The following PDCD2 variants were observed in gnomAD, a reference collection of about 807,000 sequenced individuals.
PDCD2 encodes the protein uS5 assembly chaperone PDCD2.
A neutral mutation model predicts 38.1 loss-of-function variants in PDCD2; 38 were observed. The ratio of observed to expected loss-of-function variants is 1.00; its 90% CI spans 0.77 to 1.31. The LOEUF (loss-of-function observed/expected upper bound fraction) is 1.31. Among genes scored for constraint, PDCD2 ranks in the 50% most tolerant of loss-of-function variants. The pLI is 0.00. For missense variants in PDCD2, 473 were observed against 435.7 expected, an observed-to-expected ratio of 1.09 and a Z score of -0.76; for synonymous variants, 205 against 168.9, an observed-to-expected ratio of 1.21 and a Z score of -1.66.
At chr6:170,580,925 C>T (rs1234303711) in intron 3 of PDCD2, among the ~76,000 whole-genome samples, 4 of 152,090 alleles carry the variant, frequency 2.6e-5, no homozygotes, top group South Asian at 2.1e-4. Context: ...TCACTTGCAC[C>T]ATCAGGTCTG....
Position 170,583,544 on chromosome 6 carries a change from C to A in PDCD2, c.487G>T (p.Asp163Tyr). Reference protein sequence around the residue: ...YYCSKEHQTLDWRLGHKQACA... With the variant: ...YYCSKEHQTLYWRLGHKQACA... ...GCCTGCTTATGTCCCAATCTCCAGT[C>A]TAGGGTCTGATGCTCCTTGCTGCAG... Residue 163 changes from aspartate to tyrosine, a missense_variant, in exon 2 of 6, where the codon GAC becomes TAC. Transcript: ENST00000541970. 1 of 1,613,716 alleles carries A rather than the reference C, an allele frequency of 6.2e-7. No individual in the cohort carries two copies. Among genetic ancestry groups the A allele is most frequent in the Non-Finnish European group, 8.5e-7 (1 of 1,179,710 alleles).
intron 3 of PDCD2, among the ~76,000 whole-genome samples, chr6:170,580,586 G>C (rs533196517): frequency 2.6e-5 from 4 of 152,158 alleles, no homozygotes; most frequent in Non-Finnish European, 4.4e-5. Context: ...GTGGTGGTAG[G>C]TGCCTGTAAT....
Position 170,577,265 on chromosome 6 carries a change from TA to T in PDCD2, c.*293del, listed in dbSNP as rs1779470846. ...GCAGATTTCTGTGCATACATACAAA[TA>T]TTTTTACAAGAATAGGATCATACCA... On this transcript the variant is annotated 3_prime_UTR_variant, in exon 6 of 6. Transcript: ENST00000541970. The T allele has an allele frequency of 4.2e-6, 1 of 239,090 alleles. No individual in the cohort carries two copies. 14.8% of individuals were successfully genotyped at this position (239,090 alleles called of 1,614,324 possible). A position where few individuals can be genotyped will look rare whatever the true frequency, so the allele number is the denominator to read the frequency against.
Position 170,582,130 on chromosome 6 carries a change from T to C in PDCD2, c.658+927A>G, listed in dbSNP as rs373484547. The C allele has an allele frequency of 4.8e-5, 73 of 1,533,546 alleles. No individual in the cohort carries two copies. In the African/African-American group the frequency reaches 8.8e-4, roughly 18 times the overall value. The allele number at this position is 1,533,546 out of a possible 1,614,324, so 95.0% of individuals were successfully genotyped here. On this transcript the variant is annotated intron_variant, in intron 3 of 5. Coordinates refer to ENST00000541970, the MANE Select transcript of PDCD2 (RefSeq NM_002598.4). ...GCCCCTTCCAGGCAGTCTTCAGTGA[T>C]GTCACGTGTTCCCATGGCACCTGTA...
intron 3 of PDCD2, chr6:170,582,479 C>G (rs1041211729): frequency 7.2e-7 from 1 of 1,391,326 alleles, no homozygotes; most frequent in African/African-American, 1.5e-5. Flanking sequence ...AATTTCCTCA[C>G]CTTCAAAATG....
chr6:170,583,906 C>T (rs1484997403), intron 1 of PDCD2, 159 bp from the exon 2 acceptor site: 1 of 648,032 alleles, frequency 1.5e-6, no homozygotes, highest in East Asian at 2.8e-5. Context: ...AGATTTCGTC[C>T]GGTACACGCA....
rs1030847165 is a variant in PDCD2 at position 170,576,610 on chromosome 6, G to T, written c.*949C>A. Reference sequence around the variant, plus strand: ...TTAGGAGCCGCTTGCTTAAACAGATGTATCAGAAACATAATAGGCCAAGGG... The same window carrying T: ...TTAGGAGCCGCTTGCTTAAACAGATTTATCAGAAACATAATAGGCCAAGGG... On this transcript the variant is annotated 3_prime_UTR_variant, in exon 6 of 6. Transcript: ENST00000541970. 2.6e-5 allele frequency: 4 copies of T among 152,178 alleles called. No individual in the cohort carries two copies. The highest frequency in any genetic ancestry group is 9.7e-5 in the African/African-American group (4 of 41,416). 9.4% of individuals were successfully genotyped at this position (152,178 alleles called of 1,614,324 possible).
rs916232780 is a variant in PDCD2 at position 170,584,452 on chromosome 6, G to C, written c.130C>G (p.Pro44Ala). 3 of 1,313,798 alleles carry C rather than the reference G, an allele frequency of 2.3e-6. No individual in the cohort carries two copies. The highest frequency in any genetic ancestry group is 2.9e-6 in the Non-Finnish European group (3 of 1,038,222). 81.4% of individuals were successfully genotyped at this position (1,313,798 alleles called of 1,614,324 possible). Reference sequence around the variant, plus strand: ...TCGCAGGCCAGGGCCTGGGGCCCCGGCAGCCCGGCCGCGCCCAGCCATGCC... The same window carrying C: ...TCGCAGGCCAGGGCCTGGGGCCCCGCCAGCCCGGCCGCGCCCAGCCATGCC... The part of the protein sequence containing the change: ...RPAWLGAAGL[P>A]GPQALACELC... The change falls in exon 1 of 6, where the codon CCG (proline) becomes GCG (alanine). Residue 44 changes from proline (P) to alanine (A), a missense_variant. Pro to Ala is a conservative substitution (Grantham distance 27). Transcript: ENST00000541970.
intron 4 of PDCD2, 83 bp from the exon 5 acceptor site, chr6:170,579,053 T>C (rs553143868): frequency 1.9e-4 from 155 of 820,126 alleles, no homozygotes; most frequent in Non-Finnish European, 2.7e-4. Context: ...ACTCCATGAA[T>C]GTTCCTACTC....
At chr6:170,583,429 T>C (rs1779679071) in intron 2 of PDCD2, 76 bp downstream of exon 2, 1 of 1,505,490 alleles carries the variant, frequency 6.6e-7, no homozygotes, top group Non-Finnish European at 9.0e-7. Context: ...AATTTTACCT[T>C]TAAAGTTGTC....
intron 1 of PDCD2, 52 bp from the exon 2 acceptor site, chr6:170,583,799 C>G (rs1487728032): frequency 7.2e-7 from 1 of 1,383,784 alleles, no homozygotes; most frequent in Admixed American, 1.9e-5. Flanking sequence ...CAGCAATTCA[C>G]ATATTTTATC....
intron 1 of PDCD2, 54 bp downstream of exon 1, chr6:170,584,245 C>T: frequency 1.5e-6 from 2 of 1,335,558 alleles, no homozygotes; most frequent in Admixed American, 3.1e-5. Context: ...CCGGAATTAA[C>T]GCCGCGCACG....
intron 3 of PDCD2, chr6:170,581,205 T>A (rs1298660240): frequency 1.3e-5 from 2 of 152,196 alleles, no homozygotes; most frequent in Non-Finnish European, 2.9e-5. Context: ...AGTCCAGTGT[T>A]TCCTTTCTCT....
Position 170,578,921 on chromosome 6 carries a change from T to C in PDCD2, c.812A>G (p.Asn271Ser), listed in dbSNP as rs140553523. ...GIAPIWISGE[N>S]IPQEKDIPDC... ...TGGAATATCCTTTTCTTGAGGAATA[T>C]TTTCACCAGAAATCCAGATGGGGGC... The change falls in exon 5 of 6, where the codon AAT becomes AGT. Residue 271 changes from asparagine (N) to serine (S), a missense_variant. Coordinates refer to ENST00000541970, the MANE Select transcript of PDCD2 (RefSeq NM_002598.4). The C allele has an allele frequency of 2.5e-4, 405 of 1,605,620 alleles. 2 individuals are homozygous for C. The African/African-American group carries it at 4.8e-3, about 19-fold the overall frequency.
intron 3 of PDCD2, 74 bp downstream of exon 3, chr6:170,582,983 T>C: frequency 6.4e-7 from 1 of 1,553,456 alleles, no homozygotes. Flanking sequence ...GTACCTCTCT[T>C]CTAGGCACAT....
intron 5 of PDCD2, among the ~76,000 whole-genome samples, chr6:170,578,079 A>T (rs369284639): frequency 2.6e-5 from 4 of 152,234 alleles, no homozygotes; most frequent in African/African-American, 9.6e-5. Flanking sequence ...CTAGTAATGA[A>T]TACAGAAAGG....
chr6:170,583,244 T>A, intron 2 of PDCD2, 56 bp from the exon 3 acceptor site: 3 of 1,276,276 alleles, frequency 2.4e-6, no homozygotes, highest in Non-Finnish European at 3.3e-6. Context: ...GACAGTCTAA[T>A]AATTTGCTGT....
intron 3 of PDCD2, chr6:170,582,066 A>C (rs968678101): frequency 6.8e-7 from 1 of 1,476,258 alleles, no homozygotes; most frequent in Non-Finnish European, 9.0e-7. Context: ...CATTTTCATT[A>C]TGTATCATGT....
chr6:170,584,384 C>A lies in PDCD2; in HGVS notation c.198G>T (p.Ala66=), dbSNP rs1379510542. 3 of 1,476,976 alleles carry A rather than the reference C, an allele frequency of 2.0e-6. No individual in the cohort carries two copies. Among genetic ancestry groups the A allele is most frequent in the South Asian group, 1.3e-5 (1 of 74,194 alleles). 91.5% of individuals were successfully genotyped at this position (1,476,976 alleles called of 1,614,324 possible). A position where few individuals can be genotyped will look rare whatever the true frequency, so the allele number is the denominator to read the frequency against. The part of the protein sequence containing the change: ...RPLSFLLQVY[A]PLPGRPDAFH... ...AGGCGTCCGGGCGGCCAGGCAGCGG[C>A]GCATACACCTGCAGCAGGAAGGAGA... The change falls in exon 1 of 6, where the codon GCG becomes GCT. Residue 66 remains alanine (A), a synonymous_variant. Transcript: ENST00000541970.
Sources: gnomAD v4.1 joint callset for allele counts (sites outside exome capture counted in the v4.1 genomes callset) on GRCh38, gnomAD v4.1.1 for gene constraint, MANE v1.5 for transcripts, NCBI Gene and HGNC (gene_info 2026-07-23, HGNC 2026-07-21) for gene names.